GREB1: variants seen among roughly 807,000 people sequenced by gnomAD.
GREB1 encodes growth regulating estrogen receptor binding 1.
Under a neutral mutation model 200.7 loss-of-function variants are expected in GREB1, and 106 were observed. The observed-to-expected ratio is 0.53, with a 90% CI of 0.45 to 0.62. The LOEUF (loss-of-function observed/expected upper bound fraction) is 0.62. Among genes scored for constraint, GREB1 ranks in the 20% least tolerant of loss-of-function variants. GREB1 has a pLI of 0.00. For missense variants in GREB1, 2,243 were observed against 2,556.8 expected (o/e 0.88, Z 2.65); for synonymous variants, 1,132 against 1,092.4 (o/e 1.04, Z -0.72).
intron 1 of GREB1, among the ~76,000 whole-genome samples, chr2:11,510,763 C>T (rs1451969538): frequency 2.7e-5 from 4 of 147,776 alleles, no homozygotes; most frequent in African/African-American, 1.0e-4. Context: ...TACTGTGGCT[C>T]ACTGCAACCT....
chr2:11,639,890 G>A (rs2148465296), intron 32 of GREB1, among the ~76,000 whole-genome samples: 1 of 152,258 alleles, frequency 6.6e-6, no homozygotes. Flanking sequence ...ACGTGGGACA[G>A]TGGGGGCTGC....
chr2:11,563,726 T>C (rs1677324499), intron 3 of GREB1, among the ~76,000 whole-genome samples: 1 of 152,250 alleles, frequency 6.6e-6, no homozygotes, highest in Non-Finnish European at 1.5e-5. Flanking sequence ...ATTTCTGGAA[T>C]GCCTACTATG....
chr2:11,508,906 G>C (rs1311136818), intron 1 of GREB1, among the ~76,000 whole-genome samples: 2 of 135,510 alleles, frequency 1.5e-5, no homozygotes, highest in Admixed American at 8.2e-5. Context: ...ACAGAGTCTC[G>C]CTCTGTCGCC....
chr2:11,639,202 G>A (rs1685623121), intron 32 of GREB1, among the ~76,000 whole-genome samples: 1 of 152,180 alleles, frequency 6.6e-6, no homozygotes, highest in South Asian at 2.1e-4. Context: ...TGATTCTCGT[G>A]CCTCAGCCTC....
At chr2:11,586,494 C>A in intron 9 of GREB1, among the ~76,000 whole-genome samples, 1 of 152,194 alleles carries the variant, frequency 6.6e-6, no homozygotes, top group East Asian at 1.9e-4. Flanking sequence ...TTTGATGAAG[C>A]TGGGGATGTT....
At chr2:11,552,724 G>T (rs997490012) in intron 1 of GREB1, among the ~76,000 whole-genome samples, 1 of 152,134 alleles carries the variant, frequency 6.6e-6, no homozygotes, top group South Asian at 2.1e-4. Flanking sequence ...AAAAAGAGCC[G>T]CAGTTGGCCG....
chr2:11,516,311 GGTGTGTGT>G (rs60141733), intron 1 of GREB1, among the ~76,000 whole-genome samples: 4 of 143,856 alleles, frequency 2.8e-5, no homozygotes, highest in East Asian at 2.0e-4. Context: ...TTTTCCTGCA[GGTGTGTGT>G]GTGTGTGTGT....
At chr2:11,515,036 A>G (rs1023772250) in intron 1 of GREB1, among the ~76,000 whole-genome samples, 2 of 149,026 alleles carry the variant, frequency 1.3e-5, no homozygotes, top group Non-Finnish European at 3.0e-5. Context: ...CCATCTATCT[A>G]TCCATCCATC....
intron 4 of GREB1, 83 bp from the exon 5 acceptor site, chr2:11,576,270 G>A: frequency 8.8e-7 from 1 of 1,130,046 alleles, no homozygotes; most frequent in Non-Finnish European, 1.3e-6. Flanking sequence ...TCGCACCATT[G>A]CATTCCAGCC....
At position 11,610,690 on chromosome 2, in the gene GREB1, TC is replaced by T. The variant is rs1457575249; in HGVS notation, c.2674del (p.Arg892AlafsTer6). On this transcript the variant is annotated frameshift_variant, in exon 18 of 33. Transcript: ENST00000381486. LOFTEE classifies it high-confidence loss of function. ...EAMVTALGKR[F>X]PRLHSAVIRT... is the part of the protein sequence containing the mutation. Reference sequence around the variant, plus strand: ...TGGTCTCTCTGTGTTCCTTGCAGGTTCCCCCGCCTGCACAGCGCGGTGATCA... The same window carrying T: ...TGGTCTCTCTGTGTTCCTTGCAGGTTCCCCGCCTGCACAGCGCGGTGATCA... The T allele has an allele frequency of 5.0e-6, 8 of 1,607,276 alleles. No homozygotes were observed. The highest frequency in any genetic ancestry group is 6.8e-6 in the Non-Finnish European group (8 of 1,176,298).
chr2:11,620,971 G>A lies in GREB1; in HGVS notation c.4111G>A (p.Glu1371Lys). The change falls in exon 23 of 33, where the codon GAA becomes AAA. Residue 1371 changes from glutamate (E) to lysine (K), a missense_variant. Physicochemically the swap from Glu to Lys is moderately conservative, Grantham distance 56. Coordinates refer to ENST00000381486, the MANE Select transcript of GREB1 (RefSeq NM_014668.4). ...GTCCAGGATGCTTGTTCGGCTCACAGAAGTGGATGTCTATGACGAGGAGGA... is the reference window on the plus strand; with the variant it reads ...GTCCAGGATGCTTGTTCGGCTCACAAAAGTGGATGTCTATGACGAGGAGGA... Reference protein sequence around the residue: ...VLSRMLVRLTEVDVYDEEEIN... With the variant: ...VLSRMLVRLTKVDVYDEEEIN... 6.2e-7 allele frequency: 1 copy of A among 1,612,208 alleles called. No individual in the cohort carries two copies. The highest frequency in any genetic ancestry group is 8.5e-7 in the Non-Finnish European group (1 of 1,178,182).
chr2:11,534,823 T>C (rs941802920), intron 1 of GREB1, among the ~76,000 whole-genome samples: 6 of 152,192 alleles, frequency 3.9e-5, no homozygotes, highest in African/African-American at 1.4e-4. Context: ...GTTTCCTTCC[T>C]TAAGTGCTAC....
Position 11,509,024 on chromosome 2 carries a change from G to A in GREB1, c.-159+26643G>A, listed in dbSNP as rs555913667. On this transcript the variant is annotated intron_variant, in intron 1 of 2. Coordinates refer to the GREB1 transcript ENST00000628795. ...CGAGTAGCTGGGACTACAGGCGCCC[G>A]CCACCACGCCCGGCTAATTTTTTTG... is the stretch of plus-strand genomic sequence containing the variant. Among the ~76,000 whole-genome samples the A allele has an allele frequency of 1.8e-4, 27 of 149,850 alleles. 1 individual carries two copies. In the South Asian group the frequency reaches 4.4e-3, roughly 25 times the overall value.
intron 1 of GREB1, among the ~76,000 whole-genome samples, chr2:11,502,943 C>G (rs898042176): frequency 6.6e-6 from 1 of 152,134 alleles, no homozygotes; most frequent in African/African-American, 2.4e-5. Context: ...AATTGAGATT[C>G]ATACGAAGTC....
intron 1 of GREB1, among the ~76,000 whole-genome samples, chr2:11,545,205 G>A (rs114348617): frequency 0.011 from 1,737 of 152,160 alleles, 18 homozygotes; most frequent in Non-Finnish European, 0.017. Context: ...GCACGATCTC[G>A]CTCACTGCAA....
At chr2:11,610,597 G>T in intron 17 of GREB1, 91 bp from the exon 18 acceptor site, 1 of 971,454 alleles carries the variant, frequency 1.0e-6, no homozygotes, top group Non-Finnish European at 1.6e-6. Flanking sequence ...GGAGTTGCCT[G>T]TGGTAGAGTG....
chr2:11,539,164 C>T (rs1265835603), intron 1 of GREB1, among the ~76,000 whole-genome samples: 2 of 151,774 alleles, frequency 1.3e-5, no homozygotes, highest in Non-Finnish European at 2.9e-5. Context: ...GCGATCCTCC[C>T]ACCTGAACCT....
chr2:11,554,241 C>G (rs1676218484), intron 1 of GREB1, among the ~76,000 whole-genome samples: 1 of 152,190 alleles, frequency 6.6e-6, no homozygotes, highest in Non-Finnish European at 1.5e-5. Context: ...CTTCCCACAG[C>G]TCATTTCCCC....
In GREB1 at chr2:11,593,097, C is replaced by T. The variant is rs368370414; in HGVS notation, c.1667C>T (p.Ala556Val). 111 of 1,607,676 alleles carry T rather than the reference C, an allele frequency of 6.9e-5. No individual in the cohort carries two copies. Among genetic ancestry groups the T allele is most frequent in the Non-Finnish European group, 8.1e-5 (95 of 1,176,674 alleles). Reference protein sequence around the residue: ...YVVIICACRSAAIDSCIAVTG... With the variant: ...YVVIICACRSVAIDSCIAVTG... The stretch of plus-strand genomic sequence containing the variant: ...GTCATCATCTGCGCCTGCCGCAGCG[C>T]GGCCATCGACTCCTGCATCGCCGTC... Residue 556 changes from alanine to valine, a missense_variant, in exon 11 of 33, where the codon GCG (alanine) becomes GTG (valine). Physicochemically the swap from Ala to Val is moderately conservative, Grantham distance 64 (BLOSUM62 0). This residue lies in a region of GREB1 where 1,178 missense variants were observed against 1,387.4 expected (regional missense o/e 0.85). Transcript: ENST00000381486.
Sources: allele counts gnomAD v4.1 joint callset (sites outside exome capture counted in the v4.1 genomes callset), GRCh38; gene constraint gnomAD v4.1.1; regional missense constraint gnomAD v4.1.1; transcripts MANE v1.5; gene names NCBI Gene and HGNC (gene_info 2026-07-23, HGNC 2026-07-21).